The following NCOA6 variants were observed in gnomAD, a reference collection of about 807,000 sequenced individuals.
NCOA6 encodes NRC RAP250.
Under a neutral mutation model 171.4 loss-of-function variants are expected in NCOA6, and 49 were observed. That is an observed-to-expected ratio of 0.29 (90% CI 0.23 to 0.36). The LOEUF is 0.36. Ranked by LOEUF, NCOA6 falls within the 10% of genes least tolerant of loss-of-function variation. The pLI is 1.00. For synonymous variants in NCOA6, 910 were observed against 927.5 expected, an observed-to-expected ratio of 0.98 and a Z score of 0.34; for missense variants, 2,248 against 2,554.5, an observed-to-expected ratio of 0.88 and a Z score of 2.59.
rs534473358 is a variant in NCOA6 at position 34,818,220 on chromosome 20, T to C, written c.-164+7252A>G. On this transcript the variant is annotated intron_variant, in intron 1 of 14. Coordinates refer to ENST00000359003, the MANE Select transcript of NCOA6 (RefSeq NM_014071.5). Reference sequence around the variant, plus strand: ...AAATGTGAGCCATTGGCCAGGCATATGGCTTGTGCCTATAATCCTAGCAAT... The same window carrying C: ...AAATGTGAGCCATTGGCCAGGCATACGGCTTGTGCCTATAATCCTAGCAAT... 2.7e-4 allele frequency among the ~76,000 whole-genome samples: 41 copies of C among 152,326 alleles called. 1 individual carries two copies. The South Asian group carries it at 6.0e-3, about 22-fold the overall frequency.
intron 2 of NCOA6, among the ~76,000 whole-genome samples, chr20:34,791,667 T>C (rs2077890661): frequency 6.6e-6 from 1 of 152,170 alleles, no homozygotes; most frequent in African/African-American, 2.4e-5. Context: ...AAACCAGCAA[T>C]AAACTCTTAA....
intron 4 of NCOA6, among the ~76,000 whole-genome samples, chr20:34,772,654 G>C (rs1467794649): frequency 1.3e-5 from 2 of 151,058 alleles, no homozygotes; most frequent in African/African-American, 2.5e-5. Flanking sequence ...GGTTAAAGGT[G>C]CTGAGATAAT....
intron 7 of NCOA6, among the ~76,000 whole-genome samples, chr20:34,755,680 G>C (rs2076621686): frequency 6.6e-6 from 1 of 152,170 alleles, no homozygotes; most frequent in Non-Finnish European, 1.5e-5. Context: ...CTCTATGAAA[G>C]CATCAAGACC....
chr20:34,746,009 C>G (rs189981879), intron 10 of NCOA6, among the ~76,000 whole-genome samples: 1 of 152,146 alleles, frequency 6.6e-6, no homozygotes. Flanking sequence ...ACATGGGTGT[C>G]TCTTTTATTC....
Position 34,749,547 on chromosome 20 carries a change from G to A in NCOA6, c.2648C>T (p.Thr883Met), listed in dbSNP as rs748224144. The change falls in exon 9 of 15, where the codon ACG becomes ATG. Residue 883 changes from threonine (T) to methionine (M), a missense_variant. By Grantham distance (81) the Thr-to-Met change is moderately conservative (BLOSUM62 -1). Around this residue, in one of 7 missense-constraint regions of NCOA6, gnomAD observed 5 missense variants for 25.2 expected, o/e 0.20. Coordinates refer to ENST00000359003, the MANE Select transcript of NCOA6 (RefSeq NM_014071.5). ...GFPVNKDVTL[T>M]SPLLVNLLQS... ...CAATAAGTTGACCAACAATGGGCTCGTTAGCGTGACATCCTTATTGACTGG... is the reference window on the plus strand; with the variant it reads ...CAATAAGTTGACCAACAATGGGCTCATTAGCGTGACATCCTTATTGACTGG... 21 of 1,614,068 alleles carry A rather than the reference G, an allele frequency of 1.3e-5. No individual in the cohort carries two copies. The highest frequency in any genetic ancestry group is 4.5e-5 in the East Asian group (2 of 44,896).
At chr20:34,745,736 G>C (rs2076282243) in intron 10 of NCOA6, among the ~76,000 whole-genome samples, 1 of 152,180 alleles carries the variant, frequency 6.6e-6, no homozygotes, top group South Asian at 2.1e-4. Flanking sequence ...GTGAAGGGTT[G>C]TGTATCTTCA....
rs1201644744 is a variant in NCOA6 at position 34,750,176 on chromosome 20, C to A, written c.2019G>T (p.Ser673=). Reference sequence around the variant, plus strand: ...GCTTGGGTGGGGTCATCCTTTGGGGCGAGGGCCCAAGATTTTGGCTCGGGG... The same window carrying A: ...GCTTGGGTGGGGTCATCCTTTGGGGAGAGGGCCCAAGATTTTGGCTCGGGG... The part of the protein sequence containing the change: ...VNPPSQNLGP[S]PQRMTPPKQM... The change falls in exon 9 of 15, where the codon TCG becomes TCT. Residue 673 remains serine (S), a synonymous_variant. Transcript: ENST00000359003. The A allele has an allele frequency of 1.9e-6, 3 of 1,611,620 alleles. No individual in the cohort carries two copies. Among genetic ancestry groups the A allele is most frequent in the Admixed American group, 1.7e-5 (1 of 59,796 alleles).
At position 34,741,010 on chromosome 20, in the gene NCOA6, G is replaced by A. The variant is rs754115896; in HGVS notation, c.5246C>T (p.Thr1749Met). 2.4e-5 allele frequency: 38 copies of A among 1,614,078 alleles called. No homozygotes were observed. Among genetic ancestry groups the A allele is most frequent in the African/African-American group, 2.3e-4 (17 of 74,938 alleles). ...ATGAGAAGGGACAACTGGAGAAGAC[G>A]TACAAGGAGGGGAAGGAAGCTGAAC... Reference protein sequence around the residue: ...TPVQLPSPPCTSSPVVPSHPP... With the variant: ...TPVQLPSPPCMSSPVVPSHPP... The change falls in exon 11 of 15, where the codon ACG becomes ATG. Residue 1749 changes from threonine (T) to methionine (M), a missense_variant. Coordinates refer to ENST00000359003, the MANE Select transcript of NCOA6 (RefSeq NM_014071.5).
intron 8 of NCOA6, among the ~76,000 whole-genome samples, chr20:34,754,191 C>T (rs1437443154): frequency 6.6e-6 from 1 of 152,184 alleles, no homozygotes; most frequent in Non-Finnish European, 1.5e-5. Context: ...TAAAAAGTTG[C>T]AGTTGTCCAA....
rs750688808 is a variant in NCOA6, at chr20:34,775,952, CA to C, written c.391+340del. On this transcript the variant is annotated intron_variant, in intron 4 of 14. Transcript: ENST00000359003. ...AGAAAGACACTGTCTCTAAAAATAA[CA>C]ACAATAACAAAGAAAACCACACAAC... 8.7e-4 allele frequency among the ~76,000 whole-genome samples: 132 copies of C among 152,116 alleles called. 1 individual carries two copies. Among genetic ancestry groups the C allele is most frequent in the Admixed American group, 2.2e-3 (34 of 15,252 alleles).
chr20:34,718,099 A>C (rs1398983270), intron 14 of NCOA6, among the ~76,000 whole-genome samples: 1 of 152,206 alleles, frequency 6.6e-6, no homozygotes, highest in East Asian at 1.9e-4. Context: ...CTTGTGCTAG[A>C]AACTGCAAAA....
At chr20:34,750,612 A>G (rs1287692966) in intron 8 of NCOA6, 93 bp from the exon 9 acceptor site, 2 of 1,310,926 alleles carry the variant, frequency 1.5e-6, no homozygotes, top group Non-Finnish European at 2.0e-6. Flanking sequence ...AAAGACATCC[A>G]TCACCCTTAT....
intron 4 of NCOA6, 90 bp from the exon 5 acceptor site, chr20:34,768,676 G>A: frequency 6.9e-7 from 1 of 1,450,308 alleles, no homozygotes; most frequent in Non-Finnish European, 9.4e-7. Context: ...TTAGTTTTCT[G>A]TGCTTTTGAA....
intron 5 of NCOA6, among the ~76,000 whole-genome samples, chr20:34,760,110 T>G (rs946807641): frequency 6.6e-6 from 1 of 152,048 alleles, no homozygotes. Flanking sequence ...AGACCCCATC[T>G]CTACAAAAAA....
chr20:34,814,932 T>C (rs1333317018), intron 1 of NCOA6, among the ~76,000 whole-genome samples: 1 of 152,072 alleles, frequency 6.6e-6, no homozygotes, highest in African/African-American at 2.4e-5. Flanking sequence ...CACGTGCTAT[T>C]AGAAAAAGTA....
intron 12 of NCOA6, among the ~76,000 whole-genome samples, chr20:34,736,149 T>G (rs776421063): frequency 6.6e-6 from 1 of 152,132 alleles, no homozygotes; most frequent in Non-Finnish European, 1.5e-5. Flanking sequence ...TCCAGAAATA[T>G]CATCCCTTGT....
At chr20:34,715,387 T>C (rs752394897) in intron 14 of NCOA6, 22 bp from the exon 15 acceptor site, 12 of 1,578,874 alleles carry the variant, frequency 7.6e-6, no homozygotes, top group South Asian at 3.3e-5. Context: ...AGAAAGGACA[T>C]GTTCAGTGGA....
At position 34,741,063 on chromosome 20, in the gene NCOA6, A is replaced by C. The variant is rs568132194; in HGVS notation, c.5193T>G (p.Pro1731=). 7 of 1,614,226 alleles carry C rather than the reference A, an allele frequency of 4.3e-6. No homozygotes were observed. Among genetic ancestry groups the C allele is most frequent in the African/African-American group, 4.0e-5 (3 of 75,056 alleles). ...SPAPNIQTGR[P]LVLSSRATPV... ...GGGTGGCTCGTGAGCTAAGGACCAA[A>C]GGTCGACCTGTCTGGATGTTTGGAG... Residue 1731 remains proline, a synonymous_variant, in exon 11 of 15, where the codon CCT becomes CCG. Transcript: ENST00000359003.
rs2076185370 is a variant in NCOA6 at position 34,742,757 on chromosome 20, T to C, written c.3499A>G (p.Lys1167Glu). 15 of 1,614,146 alleles carry C rather than the reference T, an allele frequency of 9.3e-6. No homozygotes were observed. The East Asian group carries it at 3.3e-4, about 36-fold the overall frequency. The change falls in exon 11 of 15, where the codon AAA becomes GAA. Residue 1167 changes from lysine (K) to glutamate (E), a missense_variant. Physicochemically the swap from Lys to Glu is moderately conservative, Grantham distance 56 (BLOSUM62 1). Coordinates refer to ENST00000359003, the MANE Select transcript of NCOA6 (RefSeq NM_014071.5). ...GCTGAAAGGGGCGATGGTCCAGGTT[T>C]TGGCCCTGTCATCATTAACTGATTC... Reference protein sequence around the residue: ...PQNQLMMTGPKPGPSPLSATQ... With the variant: ...PQNQLMMTGPEPGPSPLSATQ...
Sources: gnomAD v4.1 joint callset for allele counts (sites outside exome capture counted in the v4.1 genomes callset) on GRCh38, gnomAD v4.1.1 for gene constraint, gnomAD v4.1.1 regional missense constraint, MANE v1.5 for transcripts, NCBI Gene and HGNC (gene_info 2026-07-23, HGNC 2026-07-21) for gene names.